PPP3CB: variants seen among roughly 807,000 people sequenced by gnomAD.
The protein encoded by PPP3CB is serine/threonine-protein phosphatase 2B catalytic subunit beta isoform.
In PPP3CB, 8 loss-of-function variants were observed where a neutral mutation model predicts 66.4. That is an observed-to-expected ratio of 0.12 (90% CI 0.07 to 0.22). The LOEUF is 0.22. Ranked by LOEUF, PPP3CB falls within the 10% of genes least tolerant of loss-of-function variation. The pLI is 1.00. For synonymous variants in PPP3CB, 208 were observed against 221.2 expected (o/e 0.94, Z 0.53); for missense variants, 319 against 642.5 (o/e 0.50, Z 5.44).
chr10:73,457,810 G>A (rs771888377), intron 9 of PPP3CB, among the ~76,000 whole-genome samples: 3 of 150,878 alleles, frequency 2.0e-5, no homozygotes, highest in East Asian at 1.9e-4. Flanking sequence ...AATCATATAC[G>A]TAAGGGACTT....
chr10:73,476,270 T>C (rs2056786408), intron 3 of PPP3CB, among the ~76,000 whole-genome samples: 1 of 152,236 alleles, frequency 6.6e-6, no homozygotes. Flanking sequence ...CTGTTCTCGA[T>C]GCTTATTTTG....
intron 1 of PPP3CB, among the ~76,000 whole-genome samples, chr10:73,479,719 G>T (rs962437590): frequency 6.6e-6 from 1 of 152,112 alleles, no homozygotes; most frequent in Non-Finnish European, 1.5e-5. Flanking sequence ...TCTTTGTTGA[G>T]AATTATTAGA....
chr10:73,495,651 C>T (rs1589727886), intron 1 of PPP3CB, 154 bp downstream of exon 1: 4 of 1,197,776 alleles, frequency 3.3e-6, no homozygotes, highest in Non-Finnish European at 4.3e-6. Context: ...TCAGCCCTGC[C>T]CAGCAGGGGC....
chr10:73,494,705 A>G lies in PPP3CB; in HGVS notation c.85+1100T>C, dbSNP rs560465061. Reference sequence around the variant, plus strand: ...TTTTTAAATATTTTAATGGAAACATATGAGTCAGATTTCAAAAAGTAGGCT... The same window carrying G: ...TTTTTAAATATTTTAATGGAAACATGTGAGTCAGATTTCAAAAAGTAGGCT... On this transcript the variant is annotated intron_variant, in intron 1 of 13. Transcript: ENST00000360663. Among the ~76,000 whole-genome samples the G allele has an allele frequency of 2.4e-3, 362 of 152,234 alleles. 1 individual carries two copies. The highest frequency in any genetic ancestry group is 8.1e-3 in the African/African-American group (335 of 41,550).
chr10:73,474,622 T>A (rs1251030350), intron 4 of PPP3CB, among the ~76,000 whole-genome samples: 1 of 146,742 alleles, frequency 6.8e-6, no homozygotes, highest in Non-Finnish European at 1.5e-5. Flanking sequence ...GTATTTTTGG[T>A]GGAGATGGGG....
At chr10:73,478,391 CAG>C (rs2056824575) in intron 3 of PPP3CB, 106 bp downstream of exon 3, 8 of 934,478 alleles carry the variant, frequency 8.6e-6, no homozygotes, top group African/African-American at 3.3e-5. Context: ...TCAGAATATG[CAG>C]AGTTATTAAA....
Position 73,438,129 on chromosome 10 carries a change from G to C in PPP3CB, c.*113C>G, listed in dbSNP as rs1028526741. On this transcript the variant is annotated 3_prime_UTR_variant, in exon 14 of 14. Coordinates refer to ENST00000360663, the MANE Select transcript of PPP3CB (RefSeq NM_021132.4). ...GGGGCTAGGGTCTCAGAAGCACAAT[G>C]GTTTCTTCAGAGAGACTGTGAAATT... is the stretch of plus-strand genomic sequence containing the variant. 2.8e-6 allele frequency: 3 copies of C among 1,066,942 alleles called. No homozygotes were observed. The African/African-American group carries it at 4.8e-5, about 17-fold the overall frequency. The allele number at this position is 1,066,942 out of a possible 1,614,324, so 66.1% of individuals were successfully genotyped here. A position where few individuals can be genotyped will look rare whatever the true frequency, so the allele number is the denominator to read the frequency against.
chr10:73,487,455 G>C (rs1478902108), intron 1 of PPP3CB, among the ~76,000 whole-genome samples: 2 of 150,868 alleles, frequency 1.3e-5, no homozygotes, highest in Non-Finnish European at 1.5e-5. Context: ...GGCTGAGGCA[G>C]GAGAGTTGCT....
intron 1 of PPP3CB, among the ~76,000 whole-genome samples, chr10:73,482,360 C>T (rs746491418): frequency 5.9e-5 from 9 of 151,514 alleles, no homozygotes; most frequent in Admixed American, 6.6e-5. Flanking sequence ...CTGGTCAACA[C>T]GGTGAAACCC....
chr10:73,452,061 T>TAA (rs879467591), intron 10 of PPP3CB, among the ~76,000 whole-genome samples: 4 of 147,406 alleles, frequency 2.7e-5, no homozygotes, highest in African/African-American at 9.9e-5. Flanking sequence ...CCTCATCTCT[T>TAA]AAAAAAAAAA....
At chr10:73,450,652 C>T (rs1414543039) in intron 10 of PPP3CB, among the ~76,000 whole-genome samples, 1 of 152,206 alleles carries the variant, frequency 6.6e-6, no homozygotes, top group South Asian at 2.1e-4. Flanking sequence ...TTCTAATATT[C>T]AAAGCTGGAA....
intron 12 of PPP3CB, among the ~76,000 whole-genome samples, chr10:73,442,257 G>T (rs1453248151): frequency 1.3e-5 from 2 of 152,128 alleles, no homozygotes; most frequent in Non-Finnish European, 2.9e-5. Context: ...AGTCCCTCCA[G>T]CAAAGCTGCT....
chr10:73,493,118 T>C (rs2133056908), intron 1 of PPP3CB, among the ~76,000 whole-genome samples: 1 of 151,728 alleles, frequency 6.6e-6, no homozygotes, highest in South Asian at 2.1e-4. Flanking sequence ...TGCTAAAAAA[T>C]ACAAAAAATT....
intron 4 of PPP3CB, among the ~76,000 whole-genome samples, chr10:73,474,206 C>T (rs1025909843): frequency 6.8e-6 from 1 of 147,780 alleles, no homozygotes; most frequent in African/African-American, 2.6e-5. Flanking sequence ...CCACGCCTGG[C>T]TAATTTTTGT....
At chr10:73,465,313 C>G (rs1416156592) in intron 9 of PPP3CB, among the ~76,000 whole-genome samples, 1 of 152,114 alleles carries the variant, frequency 6.6e-6, no homozygotes, top group Non-Finnish European at 1.5e-5. Flanking sequence ...AGTGTATTCT[C>G]AAACTCCTGG....
intron 8 of PPP3CB, 102 bp downstream of exon 8, chr10:73,470,584 TG>T: frequency 1.5e-6 from 1 of 662,308 alleles, no homozygotes; most frequent in Non-Finnish European, 2.4e-6. Context: ...TAAAGAAATC[TG>T]GATACTAATA....
rs1196998427 is a variant in PPP3CB, at chr10:73,436,939, T to C, written c.*1303A>G. 1 of 152,600 alleles carries C rather than the reference T, an allele frequency of 6.6e-6. No homozygotes were observed. Among genetic ancestry groups the C allele is most frequent in the Non-Finnish European group, 1.5e-5 (1 of 68,060 alleles). 9.5% of individuals were successfully genotyped at this position (152,600 alleles called of 1,614,324 possible). A position where few individuals can be genotyped will look rare whatever the true frequency, so the allele number is the denominator to read the frequency against. On this transcript the variant is annotated 3_prime_UTR_variant, in exon 14 of 14. Coordinates refer to ENST00000360663, the MANE Select transcript of PPP3CB (RefSeq NM_021132.4). The stretch of plus-strand genomic sequence containing the variant: ...GTGCACTTTCTGGCAAACAAAACAA[T>C]AGATGGTTCCGCTGCCTGGAGCTCT...
At chr10:73,453,627 C>G (rs1275260946) in intron 10 of PPP3CB, among the ~76,000 whole-genome samples, 1 of 151,990 alleles carries the variant, frequency 6.6e-6, no homozygotes. Context: ...ATATACAGAC[C>G]ATGTTTAATA....
At position 73,479,584 on chromosome 10, in the gene PPP3CB, G is replaced by A. The variant is rs976333158; in HGVS notation, c.86-67C>T. On this transcript the variant is annotated intron_variant, in intron 1 of 13. Transcript: ENST00000360663. ...TACATTAACTTAAAAACTAATAATT[G>A]GATCTAGATAAGACTAAAAACTGTA... 2.8e-6 allele frequency: 4 copies of A among 1,440,122 alleles called. No homozygotes were observed. In the Admixed American group the frequency reaches 5.9e-5, roughly 21 times the overall value. 89.2% of individuals were successfully genotyped at this position (1,440,122 alleles called of 1,614,324 possible).
Sources: allele counts gnomAD v4.1 joint callset (sites outside exome capture counted in the v4.1 genomes callset), GRCh38; gene constraint gnomAD v4.1.1; transcripts MANE v1.5; gene names NCBI Gene and HGNC (gene_info 2026-07-23, HGNC 2026-07-21).